The following ZSCAN4 variants were observed in gnomAD, a reference collection of about 807,000 sequenced individuals.
The protein encoded by ZSCAN4 is zinc finger and SCAN domain-containing protein 4.
A neutral mutation model predicts 18.3 loss-of-function variants in ZSCAN4; 18 were observed. The ratio of observed to expected loss-of-function variants is 0.98; its 90% confidence interval spans 0.68 to 1.46. The LOEUF is 1.46. Among genes scored for constraint, ZSCAN4 ranks in the 40% most tolerant of loss-of-function variants. ZSCAN4 has a pLI of 0.00. For synonymous variants in ZSCAN4, 193 were observed against 180.3 expected (o/e 1.07, Z -0.57); for missense variants, 498 against 511.4 (o/e 0.97, Z 0.25).
upstream of ZSCAN4, chr19:57,664,326 G>A (rs1983797610): frequency 6.5e-6 from 1 of 153,238 alleles, no homozygotes; most frequent in Non-Finnish European, 1.5e-5. Context: ...AAGAGCCCCA[G>A]GACGCTGCTG....
At chr19:57,678,052 C>A in exon 4 of ZSCAN4, 1 of 1,585,738 alleles carries the variant, frequency 6.3e-7, no homozygotes, top group Admixed American at 1.8e-5. Context: ...CCAGACTTCC[C>A]AAGATACTTC....
chr19:57,651,511 C>T, the ZSCAN4 span, among the ~76,000 whole-genome samples: 3 of 152,162 alleles, frequency 2.0e-5, no homozygotes, highest in Non-Finnish European at 2.9e-5. Flanking sequence ...CCGCCTAGAC[C>T]TATAATTACC....
At chr19:57,662,387 C>T in the ZSCAN4 span, among the ~76,000 whole-genome samples, 3 of 151,726 alleles carry the variant, frequency 2.0e-5, no homozygotes, top group Non-Finnish European at 4.4e-5. Flanking sequence ...TTCTCTTTTA[C>T]ATTCTATGTA....
At chr19:57,674,965 T>G (rs1984133539) in intron 2 of ZSCAN4, among the ~76,000 whole-genome samples, 1 of 150,014 alleles carries the variant, frequency 6.7e-6, no homozygotes, top group Admixed American at 6.6e-5. Flanking sequence ...AGTTTTTTTT[T>G]TTTTTTTTTT....
upstream of ZSCAN4, among the ~76,000 whole-genome samples, chr19:57,668,731 C>T (rs936857588): frequency 2.6e-5 from 4 of 152,226 alleles, no homozygotes; most frequent in African/African-American, 7.2e-5. Context: ...TCTCTCAAGC[C>T]TCATGTTAAG....
chr19:57,659,401 T>C, the ZSCAN4 span, among the ~76,000 whole-genome samples: 3 of 151,976 alleles, frequency 2.0e-5, no homozygotes, highest in Non-Finnish European at 4.4e-5. Context: ...ATAATTTTTT[T>C]TGAGGGGCAG....
At chr19:57,672,847 C>T (rs575271123) in intron 2 of ZSCAN4, among the ~76,000 whole-genome samples, 2 of 152,124 alleles carry the variant, frequency 1.3e-5, no homozygotes, top group Admixed American at 1.3e-4. Flanking sequence ...AGCGATATGC[C>T]CACCTCTGCC....
exon 1 of ZSCAN4, chr19:57,669,057 C>CTTT (rs1983936054): frequency 1.0e-5 from 1 of 100,176 alleles, no homozygotes; most frequent in Non-Finnish European, 2.0e-5. Flanking sequence ...TTTATATTTT[C>CTTT]CTTTTTTTTT....
intron 3 of ZSCAN4, 102 bp downstream of exon 3, chr19:57,676,643 T>A: frequency 7.6e-7 from 1 of 1,314,000 alleles, no homozygotes; most frequent in Non-Finnish European, 1.0e-6. Flanking sequence ...CTATTGGAGG[T>A]CCAGTTATTA....
At chr19:57,651,562 TC>T in the ZSCAN4 span, among the ~76,000 whole-genome samples, 1 of 152,160 alleles carries the variant, frequency 6.6e-6, no homozygotes, top group African/African-American at 2.4e-5. Flanking sequence ...CTAGCTGGTG[TC>T]CCCGTCTACA....
chr19:57,656,402 A>C, the ZSCAN4 span, among the ~76,000 whole-genome samples: 1 of 151,868 alleles, frequency 6.6e-6, no homozygotes, highest in Non-Finnish European at 1.5e-5. Flanking sequence ...AATCTCAAGA[A>C]CTCTCTATTC....
the ZSCAN4 span, among the ~76,000 whole-genome samples, chr19:57,658,790 T>C: frequency 2.1e-5 from 3 of 140,922 alleles, no homozygotes; most frequent in African/African-American, 8.2e-5. Context: ...ACCAATATCA[T>C]GCCATTGCAC....
intron 2 of ZSCAN4, among the ~76,000 whole-genome samples, chr19:57,672,840 G>A (rs775803697): frequency 2.0e-5 from 3 of 151,970 alleles, no homozygotes; most frequent in Admixed American, 6.6e-5. Context: ...GGCCTCAAGC[G>A]ATATGCCCAC....
At chr19:57,676,527 A>C (rs1437187603) in exon 3 of ZSCAN4, 1 of 1,613,358 alleles carries the variant, frequency 6.2e-7, no homozygotes, top group East Asian at 2.2e-5. Flanking sequence ...TGACAGCATA[A>C]ATCCACCTGC....
At position 57,678,938 on chromosome 19, in the gene ZSCAN4, T is replaced by C. The variant is rs367767599; in HGVS notation, c.*33T>C. The C allele has an allele frequency of 2.2e-5, 33 of 1,530,770 alleles. No homozygotes were observed. In the African/African-American group the frequency reaches 3.9e-4, roughly 18 times the overall value. 94.8% of individuals were successfully genotyped at this position (1,530,770 alleles called of 1,614,324 possible). A position where few individuals can be genotyped will look rare whatever the true frequency, so the allele number is the denominator to read the frequency against. On this transcript the variant is annotated 3_prime_UTR_variant, in exon 5 of 5. Coordinates refer to ENST00000318203, the Ensembl canonical transcript of ZSCAN4. ...GTCTGATAATGTGTATAAATATGTA[T>C]GCAAGTATGTATATTCCTATAGTAT...
chr19:57,673,703 C>T (rs905949244), intron 2 of ZSCAN4, among the ~76,000 whole-genome samples: 4 of 152,032 alleles, frequency 2.6e-5, no homozygotes, highest in Non-Finnish European at 5.9e-5. Context: ...TGGCAACCAC[C>T]CTTCTACTCT....
At chr19:57,659,562 CAATA>C in the ZSCAN4 span, among the ~76,000 whole-genome samples, 2 of 152,178 alleles carry the variant, frequency 1.3e-5, no homozygotes, top group African/African-American at 4.8e-5. Flanking sequence ...CACCTGGTCT[CAATA>C]AATAGTTTTT....
the ZSCAN4 span, among the ~76,000 whole-genome samples, chr19:57,652,836 C>T: frequency 6.6e-6 from 1 of 152,174 alleles, no homozygotes; most frequent in East Asian, 1.9e-4. Flanking sequence ...TCCACAGACC[C>T]TGCCTCCTTC....
At chr19:57,678,712 G>A in exon 5 of ZSCAN4, 1 of 1,614,192 alleles carries the variant, frequency 6.2e-7, no homozygotes, top group Non-Finnish European at 8.5e-7. Flanking sequence ...CCTTTCACAT[G>A]CAGCATGTGT....
Sources: allele counts gnomAD v4.1 joint callset (sites outside exome capture counted in the v4.1 genomes callset), GRCh38; gene constraint gnomAD v4.1.1; transcripts MANE v1.5; gene names NCBI Gene and HGNC (gene_info 2026-07-23, HGNC 2026-07-21).